The following RARB variants were observed in gnomAD, a reference collection of about 807,000 sequenced individuals.
RARB encodes the protein HBV-activated protein.
Under a neutral mutation model 51.9 loss-of-function variants are expected in RARB, and 17 were observed. The ratio of observed to expected loss-of-function variants is 0.33; its 90% CI spans 0.22 to 0.49. The LOEUF (loss-of-function observed/expected upper bound fraction) is 0.49. RARB is among the 20% of genes least tolerant of loss of function. The pLI, the probability that RARB is intolerant of heterozygous loss-of-function variation, is 0.99. For synonymous variants in RARB, 215 were observed against 195.4 expected (o/e 1.10, Z -0.84); for missense variants, 369 against 550.8 (o/e 0.67, Z 3.30).
chr3:25,265,069 A>G (rs1703092475), intron 5 of RARB, among the ~76,000 whole-genome samples: 1 of 152,162 alleles, frequency 6.6e-6, no homozygotes, highest in South Asian at 2.1e-4. Flanking sequence ...AAATCTGCCA[A>G]TGCCTTGATC....
At chr3:25,385,407 T>A (rs1233021847) in intron 5 of RARB, among the ~76,000 whole-genome samples, 1 of 152,158 alleles carries the variant, frequency 6.6e-6, no homozygotes, top group East Asian at 1.9e-4. Context: ...GGACACTGGG[T>A]GTGATTACTC....
intron 5 of RARB, among the ~76,000 whole-genome samples, chr3:25,209,620 C>G (rs910300026): frequency 2.0e-5 from 3 of 152,196 alleles, no homozygotes; most frequent in African/African-American, 7.2e-5. Flanking sequence ...CTTAGCTGGA[C>G]CTCTGCTTCT....
intron 4 of RARB, among the ~76,000 whole-genome samples, chr3:25,579,854 G>T (rs1409834044): frequency 6.6e-6 from 1 of 152,154 alleles, no homozygotes; most frequent in Non-Finnish European, 1.5e-5. Flanking sequence ...TTTCATGGGT[G>T]GTGGTGTGTT....
chr3:25,405,158 T>C (rs1409567934), intron 5 of RARB, among the ~76,000 whole-genome samples: 1 of 152,186 alleles, frequency 6.6e-6, no homozygotes, highest in Non-Finnish European at 1.5e-5. Context: ...AGCAGAGGCC[T>C]AGCATTTAGT....
chr3:25,485,264 A>C (rs768159270), intron 2 of RARB, among the ~76,000 whole-genome samples: 5 of 152,246 alleles, frequency 3.3e-5, no homozygotes, highest in Non-Finnish European at 7.3e-5. Context: ...TACTGTGCTT[A>C]ATTAATTCTT....
At chr3:25,150,869 G>A (rs1700276326) in intron 4 of RARB, among the ~76,000 whole-genome samples, 1 of 152,212 alleles carries the variant, frequency 6.6e-6, no homozygotes, top group South Asian at 2.1e-4. Context: ...AGACAACGGT[G>A]TGCATGGGAA....
intron 5 of RARB, among the ~76,000 whole-genome samples, chr3:25,391,814 T>A (rs1360591697): frequency 2.0e-5 from 3 of 152,136 alleles, no homozygotes; most frequent in African/African-American, 7.2e-5. Flanking sequence ...GGATAGATGA[T>A]GAAGATTTTC....
At chr3:25,584,550 G>C (rs975161993) in intron 5 of RARB, among the ~76,000 whole-genome samples, 4 of 152,174 alleles carry the variant, frequency 2.6e-5, no homozygotes, top group African/African-American at 9.7e-5. Context: ...AGCCTAGAGA[G>C]AGTGGAGTTC....
chr3:24,829,330 C>T (rs937311666), upstream of RARB, among the ~76,000 whole-genome samples: 11 of 151,918 alleles, frequency 7.2e-5, no homozygotes, highest in African/African-American at 2.4e-4. Context: ...TGTCTGCTCT[C>T]AGCGGCGGCG....
intron 5 of RARB, among the ~76,000 whole-genome samples, chr3:25,182,771 T>G (rs1369873): frequency 0.47 from 71,967 of 152,058 alleles, 17,769 homozygotes; most frequent in East Asian, 0.7. Flanking sequence ...GTTGAAGCCT[T>G]TACCCCCAGT....
intron 2 of RARB, among the ~76,000 whole-genome samples, chr3:25,058,225 C>CT (rs1175962306): frequency 6.6e-6 from 1 of 151,860 alleles, no homozygotes; most frequent in Non-Finnish European, 1.5e-5. Flanking sequence ...AGAAGGTTAA[C>CT]TTTCCCTCAG....
intron 5 of RARB, among the ~76,000 whole-genome samples, chr3:25,310,944 G>A (rs1179055084): frequency 1.3e-5 from 2 of 152,168 alleles, no homozygotes; most frequent in South Asian, 2.1e-4. Context: ...GCCTTGAACT[G>A]CACACTCTGG....
intron 4 of RARB, among the ~76,000 whole-genome samples, chr3:25,576,169 A>G (rs1388779973): frequency 6.6e-6 from 1 of 152,158 alleles, no homozygotes; most frequent in Non-Finnish European, 1.5e-5. Flanking sequence ...TTGAGGAGGT[A>G]GGTCAGGGCT....
At chr3:25,243,135 T>C (rs1207056858) in intron 5 of RARB, among the ~76,000 whole-genome samples, 1 of 152,022 alleles carries the variant, frequency 6.6e-6, no homozygotes, top group African/African-American at 2.4e-5. Flanking sequence ...ATAGGAGTGC[T>C]TGTGATTTTT....
At chr3:25,312,829 C>T (rs753043265) in intron 5 of RARB, among the ~76,000 whole-genome samples, 3 of 152,188 alleles carry the variant, frequency 2.0e-5, no homozygotes, top group Admixed American at 6.5e-5. Flanking sequence ...CTGTCCCTCG[C>T]GGATAGACAT....
At position 25,322,574 on chromosome 3, in the gene RARB, TACAA is replaced by T. The variant is rs200052137; in HGVS notation, c.179-138613_179-138610del. On this transcript the variant is annotated intron_variant, in intron 5 of 11. Transcript: ENST00000383772. Reference sequence around the variant, plus strand: ...CTAATACTTATGTGCTCTGGAAGGATACAAACAAAATTTTTTACTATGACTTTGG... The same window carrying T: ...CTAATACTTATGTGCTCTGGAAGGATACAAAATTTTTTACTATGACTTTGG... Among the ~76,000 whole-genome samples, 1,023 of 152,308 alleles carry T rather than the reference TACAA, an allele frequency of 6.7e-3. 13 individuals carry two copies. Among genetic ancestry groups the T allele is most frequent in the East Asian group, 0.05 (260 of 5,176 alleles).
At chr3:24,985,966 C>G (rs1020803102) in intron 2 of RARB, among the ~76,000 whole-genome samples, 1 of 152,194 alleles carries the variant, frequency 6.6e-6, no homozygotes, top group African/African-American at 2.4e-5. Context: ...TCATCTGTGT[C>G]CATATTAAAT....
At position 24,948,829 on chromosome 3, in the gene RARB, G is replaced by T. The variant is rs116515568; in HGVS notation, c.-380+90077G>T. Among the ~76,000 whole-genome samples the T allele has an allele frequency of 1.3e-3, 201 of 152,270 alleles. 1 individual carries two copies. The highest frequency in any genetic ancestry group is 4.3e-3 in the African/African-American group (177 of 41,554). ...CTTCCCTTCTTGTCATGTGTGACGT[G>T]CCTGCTCCCTTTTGCTTTCTGCCAT... On this transcript the variant is annotated intron_variant, in intron 2 of 11. Coordinates refer to the RARB transcript ENST00000383772.
chr3:25,221,042 T>G (rs1701937114), intron 5 of RARB, among the ~76,000 whole-genome samples: 1 of 152,148 alleles, frequency 6.6e-6, no homozygotes, highest in African/African-American at 2.4e-5. Flanking sequence ...TCAACACCTT[T>G]GCAAATCTAT....
Sources: gnomAD v4.1 joint callset for allele counts (sites outside exome capture counted in the v4.1 genomes callset) on GRCh38, gnomAD v4.1.1 for gene constraint, MANE v1.5 for transcripts, NCBI Gene and HGNC (gene_info 2026-07-23, HGNC 2026-07-21) for gene names.